THSD7B: variants seen among roughly 807,000 people sequenced by gnomAD.
THSD7B encodes the protein thrombospondin type 1 domain containing 7B.
In THSD7B, 138 loss-of-function variants were observed where a neutral mutation model predicts 213.6. The ratio of observed to expected loss-of-function variants is 0.65; its 90% confidence interval spans 0.56 to 0.74. The LOEUF (loss-of-function observed/expected upper bound fraction) is 0.74. Ranked by LOEUF, THSD7B falls within the 30% of genes least tolerant of loss-of-function variation. The pLI, the probability that THSD7B is intolerant of heterozygous loss-of-function variation, is 0.00. For synonymous variants in THSD7B, 742 were observed against 687.0 expected (o/e 1.08, Z -1.25); for missense variants, 1,931 against 1,991.5 (o/e 0.97, Z 0.58).
At chr2:137,176,469 G>A (rs1680358747) in intron 7 of THSD7B, among the ~76,000 whole-genome samples, 1 of 152,154 alleles carries the variant, frequency 6.6e-6, no homozygotes, top group Non-Finnish European at 1.5e-5. Flanking sequence ...CTTGCCACCT[G>A]TTTGGAAGAA....
chr2:137,604,170 C>CTAA (rs1450389519), intron 17 of THSD7B, among the ~76,000 whole-genome samples: 1 of 151,964 alleles, frequency 6.6e-6, no homozygotes, highest in Non-Finnish European at 1.5e-5. Flanking sequence ...ATAAATATTT[C>CTAA]TAATTGCTCA....
intron 2 of THSD7B, among the ~76,000 whole-genome samples, chr2:136,946,403 C>A (rs1351625006): frequency 6.6e-6 from 1 of 152,202 alleles, no homozygotes; most frequent in East Asian, 1.9e-4. Context: ...TCAGCCCCTA[C>A]TGGGAGGTGT....
intron 21 of THSD7B, among the ~76,000 whole-genome samples, chr2:137,654,753 T>C (rs181510460): frequency 7.9e-5 from 12 of 152,066 alleles, no homozygotes; most frequent in Non-Finnish European, 1.8e-4. Context: ...TTGTTTTTGG[T>C]TTTCTGTGGG....
Position 137,394,819 on chromosome 2 carries a change from G to T in THSD7B, c.2501-10794G>T, listed in dbSNP as rs940742072. Among the ~76,000 whole-genome samples the T allele has an allele frequency of 5.1e-5, 7 of 138,504 alleles. 1 individual carries two copies. Among genetic ancestry groups the T allele is most frequent in the African/African-American group, 1.9e-4 (7 of 36,288 alleles). The allele number at this position is 138,504 out of a possible 152,430, so 90.9% of individuals were successfully genotyped here. A position where few individuals can be genotyped will look rare whatever the true frequency, so the allele number is the denominator to read the frequency against. ...GCATGGAATGTTCTTCCATTTGTTT[G>T]TATCCTCTTTTATTTCGTTGAGCAG... On this transcript the variant is annotated intron_variant, in intron 12 of 27. Transcript: ENST00000409968.
intron 15 of THSD7B, among the ~76,000 whole-genome samples, chr2:137,521,364 T>C (rs971345829): frequency 1.2e-4 from 18 of 152,060 alleles, no homozygotes; most frequent in African/African-American, 4.1e-4. Context: ...AGTGAGACCA[T>C]CACTGTCATT....
chr2:137,518,342 A>G (rs1209617099), intron 15 of THSD7B, among the ~76,000 whole-genome samples: 1 of 152,166 alleles, frequency 6.6e-6, no homozygotes, highest in Non-Finnish European at 1.5e-5. Context: ...TGGTGAAGGG[A>G]AGTCTTCCCA....
chr2:137,403,767 A>G (rs1686431853), intron 12 of THSD7B, among the ~76,000 whole-genome samples: 1 of 152,352 alleles, frequency 6.6e-6, no homozygotes. Flanking sequence ...GGTGTTTTCA[A>G]CTGTGGCAAT....
chr2:137,332,450 T>C (rs1417811934), intron 12 of THSD7B, among the ~76,000 whole-genome samples: 1 of 152,158 alleles, frequency 6.6e-6, no homozygotes, highest in African/African-American at 2.4e-5. Flanking sequence ...TGGCTTTTGA[T>C]TTTACAGGCT....
intron 4 of THSD7B, among the ~76,000 whole-genome samples, chr2:137,104,084 TCTC>T (rs199957317): frequency 0.02 from 3,043 of 152,288 alleles, 106 homozygotes; most frequent in African/African-American, 0.068. Context: ...TATACATTCT[TCTC>T]AGCACCACAT....
intron 1 of THSD7B, among the ~76,000 whole-genome samples, chr2:136,880,202 C>G (rs1683595753): frequency 6.6e-6 from 1 of 152,116 alleles, no homozygotes; most frequent in Non-Finnish European, 1.5e-5. Flanking sequence ...CCAACATTGA[C>G]CACATAGTTG....
At chr2:136,975,298 C>G (rs1019056886) in intron 2 of THSD7B, among the ~76,000 whole-genome samples, 1 of 152,090 alleles carries the variant, frequency 6.6e-6, no homozygotes, top group African/African-American at 2.4e-5. Context: ...ATGGTATTGT[C>G]TAGATTTTCT....
At chr2:137,635,720 TC>T (rs1430588830) in intron 20 of THSD7B, among the ~76,000 whole-genome samples, 141 of 151,954 alleles carry the variant, frequency 9.3e-4, no homozygotes, top group African/African-American at 3.4e-3. Context: ...TCCGCAAGTT[TC>T]TTTTTTTTTT....
chr2:137,480,081 C>T (rs552911619), intron 15 of THSD7B, among the ~76,000 whole-genome samples: 44 of 152,192 alleles, frequency 2.9e-4, no homozygotes, highest in Admixed American at 9.8e-4. Context: ...GCTTGCCTCA[C>T]TTACCTCTCA....
At chr2:137,372,433 G>C (rs969274924) in intron 12 of THSD7B, among the ~76,000 whole-genome samples, 2 of 149,738 alleles carry the variant, frequency 1.3e-5, no homozygotes, top group Non-Finnish European at 3.0e-5. Context: ...GAGAACGGGT[G>C]CCCGAGGTGG....
rs146699592 is a variant in THSD7B, at chr2:137,178,675, C to A, written c.1723+7737C>A. ...TCAGAGTTTCCCCATCCACATTTGA[C>A]GTGAAGGTGGGAGTAGATGTAAACT... On this transcript the variant is annotated intron_variant, in intron 7 of 27. Coordinates refer to ENST00000409968, the MANE Select transcript of THSD7B (RefSeq NM_001316349.2). Among the ~76,000 whole-genome samples the A allele has an allele frequency of 1.9e-3, 286 of 152,230 alleles. 3 individuals carry two copies. Among genetic ancestry groups the A allele is most frequent in the Admixed American group, 0.013 (197 of 15,280 alleles).
chr2:137,386,440 C>G (rs771487739), intron 12 of THSD7B, among the ~76,000 whole-genome samples: 1 of 152,054 alleles, frequency 6.6e-6, no homozygotes, highest in Non-Finnish European at 1.5e-5. Flanking sequence ...AGGTCCCCTG[C>G]TATTACAGGA....
chr2:137,274,877 A>G lies in THSD7B; in HGVS notation c.2397-1046A>G, dbSNP rs573931403. On this transcript the variant is annotated intron_variant, in intron 11 of 27. Coordinates refer to ENST00000409968, the MANE Select transcript of THSD7B (RefSeq NM_001316349.2). Reference sequence around the variant, plus strand: ...TTTAAATGTAACAGGTTTCCTGTTTAGCTGTTTCCTGATTTTTTTTCCCCA... The same window carrying G: ...TTTAAATGTAACAGGTTTCCTGTTTGGCTGTTTCCTGATTTTTTTTCCCCA... 1.2e-4 allele frequency among the ~76,000 whole-genome samples: 19 copies of G among 152,222 alleles called. 1 individual carries two copies. The East Asian group carries it at 3.5e-3, about 28-fold the overall frequency.
At chr2:137,521,116 C>G (rs557402521) in intron 15 of THSD7B, among the ~76,000 whole-genome samples, 1 of 152,166 alleles carries the variant, frequency 6.6e-6, no homozygotes, top group East Asian at 1.9e-4. Context: ...TGGGCATTGC[C>G]AGGGAGATTA....
At chr2:137,130,728 A>G (rs1355350828) in intron 5 of THSD7B, among the ~76,000 whole-genome samples, 1 of 148,466 alleles carries the variant, frequency 6.7e-6, no homozygotes, top group Non-Finnish European at 1.5e-5. Context: ...TTATGGCTGC[A>G]TAGTATTCCA....
Sources: allele counts gnomAD v4.1 joint callset (sites outside exome capture counted in the v4.1 genomes callset), GRCh38; gene constraint gnomAD v4.1.1; transcripts MANE v1.5; gene names NCBI Gene and HGNC (gene_info 2026-07-23, HGNC 2026-07-21).